Variants in MRPS2 observed in about 807,000 individuals in gnomAD.
MRPS2 encodes the protein small ribosomal subunit protein uS2m.
Under a neutral mutation model 18.9 loss-of-function variants are expected in MRPS2, and 13 were observed. The observed-to-expected ratio is 0.69, with a 90% CI of 0.45 to 1.09. The LOEUF (loss-of-function observed/expected upper bound fraction) is 1.09, where lower values mean the gene tolerates loss of function less well. Among genes scored for constraint, MRPS2 ranks in the 50% least tolerant of loss-of-function variants. The probability of loss-of-function intolerance (pLI) is 0.00; values close to 1 mark genes in which losing one functional copy is unlikely to be tolerated. For missense variants in MRPS2, 389 were observed against 421.7 expected, an observed-to-expected ratio of 0.92 and a Z score of 0.68; for synonymous variants, 186 against 178.4, an observed-to-expected ratio of 1.04 and a Z score of -0.34.
At chr9:135,500,569 G>A (rs1156573768), upstream of MRPS2, 42 of 922,504 alleles carry the variant, frequency 4.6e-5, no homozygotes, top group Non-Finnish European at 2.7e-5. Context: ...CGCCCCCGCA[G>A]GGAGGTCCCA....
intron 1 of MRPS2, 40 bp from the exon 2 acceptor site, chr9:135,500,958 T>C (rs2119356570): frequency 6.2e-7 from 1 of 1,605,872 alleles, no homozygotes; most frequent in South Asian, 1.1e-5. Flanking sequence ...CGTGGTGCAT[T>C]CGGGACTCGG....
At chr9:135,503,035 C>T in intron 3 of MRPS2, 1 of 935,422 alleles carries the variant, frequency 1.1e-6, no homozygotes, top group Non-Finnish European at 1.3e-6. Context: ...CCATGCCCCG[C>T]TTTTCTCAGC....
In MRPS2 at chr9:135,504,510, C is replaced by G. The variant is rs1008787914; in HGVS notation, c.*377C>G. 9.7e-6 allele frequency: 2 copies of G among 205,420 alleles called. No individual in the cohort carries two copies. The highest frequency in any genetic ancestry group is 4.7e-5 in the African/African-American group (2 of 42,952). The allele number at this position is 205,420 out of a possible 1,614,324, so 12.7% of individuals were successfully genotyped here. A position where few individuals can be genotyped will look rare whatever the true frequency, so the allele number is the denominator to read the frequency against. On this transcript the variant is annotated 3_prime_UTR_variant, in exon 4 of 4. Coordinates refer to ENST00000241600, the MANE Select transcript of MRPS2 (RefSeq NM_016034.5). This position sits in a 1 kb window ranked among gnomAD's most constrained non-coding sequence, Gnocchi z 4.3. ...GCAGTTTTTCTTCTCAATCTAAATG[C>G]CTTTCAGGTGGGCCGCTTCCTTGGC... is the stretch of plus-strand genomic sequence containing the variant.
At chr9:135,500,084 CG>C (rs1229968987), upstream of MRPS2, 11 of 517,268 alleles carry the variant, frequency 2.1e-5, no homozygotes, top group Non-Finnish European at 3.0e-5. Flanking sequence ...CAGCCACCCG[CG>C]GGGGGACCGG....
chr9:135,500,494 G>A (rs1831085148), upstream of MRPS2: 2 of 484,246 alleles, frequency 4.1e-6, no homozygotes, highest in Admixed American at 4.3e-5. Context: ...GGCGAGGACC[G>A]TGGCTCCACT....
chr9:135,501,062 G>A lies in MRPS2; in HGVS notation c.108G>A (p.Pro36=). 1 of 1,610,528 alleles carries A rather than the reference G, an allele frequency of 6.2e-7. No homozygotes were observed. The highest frequency in any genetic ancestry group is 1.1e-5 in the South Asian group (1 of 90,874). Residue 36 remains proline (P), a synonymous_variant, in exon 2 of 4, where the codon CCG becomes CCA. Coordinates refer to ENST00000241600, the MANE Select transcript of MRPS2 (RefSeq NM_016034.5). ...LGKATPRPAR[P]SRRTLGSATA... The stretch of plus-strand genomic sequence containing the variant: ...AGGCGACCCCCCGGCCTGCTCGGCC[G>A]AGCCGCAGGACGCTTGGAAGCGCGA...
chr9:135,501,086 G>T lies in MRPS2; in HGVS notation c.132G>T (p.Ala44=). The change falls in exon 2 of 4, where the codon GCG becomes GCT. Residue 44 remains alanine (A), a synonymous_variant. Coordinates refer to ENST00000241600, the MANE Select transcript of MRPS2 (RefSeq NM_016034.5). ...ARPSRRTLGS[A]TALMIRESED... is the part of the protein sequence containing the mutation. Reference sequence around the variant, plus strand: ...CGAGCCGCAGGACGCTTGGAAGCGCGACGGCCCTTATGATCCGCGAGTCGG... The same window carrying T: ...CGAGCCGCAGGACGCTTGGAAGCGCTACGGCCCTTATGATCCGCGAGTCGG... 6.2e-7 allele frequency: 1 copy of T among 1,608,288 alleles called. No individual in the cohort carries two copies. Among genetic ancestry groups the T allele is most frequent in the South Asian group, 1.1e-5 (1 of 90,628 alleles).
intron 2 of MRPS2, 149 bp from the exon 3 acceptor site, chr9:135,501,695 C>G (rs981178183): frequency 4.9e-5 from 72 of 1,466,884 alleles, no homozygotes; most frequent in Admixed American, 2.2e-4. Flanking sequence ...CCCTGTGCTT[C>G]CAGGTCTTTC....
Position 135,504,129 on chromosome 9 carries a change from T to G in MRPS2, c.887T>G (p.Leu296Arg). 6.3e-7 allele frequency: 1 copy of G among 1,595,238 alleles called. No homozygotes were observed. Among genetic ancestry groups the G allele is most frequent in the Non-Finnish European group, 8.5e-7 (1 of 1,173,558 alleles). The change falls in exon 4 of 4, where the codon CTG becomes CGG. Residue 296 changes from leucine to arginine, a missense_variant. Physicochemically the swap from Leu to Arg is moderately radical, Grantham distance 102. Coordinates refer to ENST00000241600, the MANE Select transcript of MRPS2 (RefSeq NM_016034.5). The surrounding 1 kb of genome is among the most constrained non-coding windows in gnomAD (Gnocchi z 4.3). ...CCTGGGGCTGACATGAGCCATTCCC[T>G]GTGATGTTCACTCTCCTCCCAAAGC... ...HPPGADMSHS[L>R]
In MRPS2 at chr9:135,503,581, C is replaced by T. The variant is rs187079080; in HGVS notation, c.339C>T (p.His113=). 3.3e-5 allele frequency: 54 copies of T among 1,613,680 alleles called. No homozygotes were observed. Among genetic ancestry groups the T allele is most frequent in the African/African-American group, 5.3e-5 (4 of 75,032 alleles). The change falls in exon 4 of 4, where the codon CAC becomes CAT. Residue 113 remains histidine (H), a synonymous_variant. Transcript: ENST00000241600. The part of the protein sequence containing the change: ...EPYIFGSRLD[H]DIIDLEQTAT... ...ACATCTTTGGGAGCCGCCTGGACCA[C>T]GACATCATCGACCTGGAACAGACAG... is the stretch of plus-strand genomic sequence containing the variant.
Position 135,503,054 on chromosome 9 carries a change from G to A in MRPS2, c.300-488G>A, listed in dbSNP as rs537799714. The A allele has an allele frequency of 6.1e-5, 59 of 969,856 alleles. 1 individual carries two copies. The South Asian group carries it at 2.6e-3, about 42-fold the overall frequency. The allele number at this position is 969,856 out of a possible 1,614,324, so 60.1% of individuals were successfully genotyped here. A position where few individuals can be genotyped will look rare whatever the true frequency, so the allele number is the denominator to read the frequency against. On this transcript the variant is annotated intron_variant, in intron 3 of 3. Coordinates refer to ENST00000241600, the MANE Select transcript of MRPS2 (RefSeq NM_016034.5). ...GCCCCGCTTTTCTCAGCCCAGGCCA[G>A]CAGTGGTCCAGTGCTTTGGATCAGG...
At position 135,504,446 on chromosome 9, in the gene MRPS2, C is replaced by T. The variant is rs1371901337; in HGVS notation, c.*313C>T. 2.8e-5 allele frequency: 11 copies of T among 389,734 alleles called. No homozygotes were observed. In the East Asian group the frequency reaches 5.2e-4, roughly 18 times the overall value. 24.1% of individuals were successfully genotyped at this position (389,734 alleles called of 1,614,324 possible). The stretch of plus-strand genomic sequence containing the variant: ...CTGCTGTCCCTGTGATCCCAGCAGC[C>T]CTCCCTTCACCGTGACCCCTGACCT... On this transcript the variant is annotated 3_prime_UTR_variant, in exon 4 of 4. Coordinates refer to ENST00000241600, the MANE Select transcript of MRPS2 (RefSeq NM_016034.5). This position sits in a 1 kb window ranked among gnomAD's most constrained non-coding sequence, Gnocchi z 4.3.
Position 135,502,047 on chromosome 9 carries a change from C to A in MRPS2, c.299+74C>A. On this transcript the variant is annotated intron_variant, in intron 3 of 3. Coordinates refer to ENST00000241600, the MANE Select transcript of MRPS2 (RefSeq NM_016034.5). The stretch of plus-strand genomic sequence containing the variant: ...GGGACCTGCTCTGGTTCTAGGGCCA[C>A]TTTTGAACTGGCCTATGTCAGTTTT... The A allele has an allele frequency of 1.1e-5, 18 of 1,601,912 alleles. No individual in the cohort carries two copies. The South Asian group carries it at 1.8e-4, about 16-fold the overall frequency.
chr9:135,501,359 C>A (rs1311783614), intron 2 of MRPS2: 3 of 1,384,512 alleles, frequency 2.2e-6, no homozygotes, highest in Non-Finnish European at 2.8e-6. Flanking sequence ...GTGGTTAGCA[C>A]AGGCTTCGCT....
chr9:135,503,204 GGCGGCTGCCCTGTGAGCTGC>G, intron 3 of MRPS2: 1 of 1,123,142 alleles, frequency 8.9e-7, no homozygotes, highest in Non-Finnish European at 1.1e-6. Context: ...CAGTGACGGA[GGCGGCTGCCCTGTGAGCTGC>G]ACGGGGCAGA....
At position 135,501,048 on chromosome 9, in the gene MRPS2, C is replaced by CG; in HGVS notation, c.96dup (p.Pro33AlafsTer33). The CG allele has an allele frequency of 1.2e-6, 2 of 1,610,268 alleles. No homozygotes were observed. Among genetic ancestry groups the CG allele is most frequent in the Non-Finnish European group, 1.7e-6 (2 of 1,178,952 alleles). On this transcript the variant is annotated frameshift_variant, in exon 2 of 4. Coordinates refer to ENST00000241600, the MANE Select transcript of MRPS2 (RefSeq NM_016034.5). LOFTEE classifies it high-confidence loss of function. ...GGGCTTTCTCGGGAAGGCGACCCCC[C>CG]GGCCTGCTCGGCCGAGCCGCAGGAC...
chr9:135,500,474 C>T, upstream of MRPS2: 1 of 459,448 alleles, frequency 2.2e-6, no homozygotes, highest in East Asian at 3.6e-5. Flanking sequence ...CAGGGCGGGG[C>T]GAGCTGCAGG....
intron 2 of MRPS2, chr9:135,501,497 G>A: frequency 1.2e-6 from 1 of 816,784 alleles, no homozygotes; most frequent in Non-Finnish European, 1.6e-6. Flanking sequence ...GGACTTTCTG[G>A]CTGGCCACCT....
At position 135,503,946 on chromosome 9, in the gene MRPS2, C is replaced by T. The variant is rs1831222103; in HGVS notation, c.704C>T (p.Pro235Leu). The change falls in exon 4 of 4, where the codon CCT becomes CTT. Residue 235 changes from proline to leucine, a missense_variant. Physicochemically the swap from Pro to Leu is moderately conservative, Grantham distance 98. Coordinates refer to ENST00000241600, the MANE Select transcript of MRPS2 (RefSeq NM_016034.5). The part of the protein sequence containing the change: ...TNCNPCLITY[P>L]VPGNDDSPLA... ...TGCAACCCCTGCCTCATCACCTACC[C>T]TGTACCCGGCAATGACGACTCTCCG... is the stretch of plus-strand genomic sequence containing the variant. The T allele has an allele frequency of 6.2e-7, 1 of 1,613,854 alleles. No individual in the cohort carries two copies. The highest frequency in any genetic ancestry group is 1.3e-5 in the African/African-American group (1 of 74,948).
Sources: allele counts gnomAD v4.1 joint callset, GRCh38; gene constraint gnomAD v4.1.1; non-coding constraint Gnocchi (gnomAD v3.1); transcripts MANE v1.5; gene names NCBI Gene and HGNC (gene_info 2026-07-23, HGNC 2026-07-21).